TM7SF3: variants seen among roughly 807,000 people sequenced by gnomAD.
TM7SF3 encodes seven span transmembrane protein.
TM7SF3 carries 60 observed loss-of-function variants against 65.5 expected under a neutral mutation model. That is an observed-to-expected ratio of 0.92 (90% CI 0.74 to 1.14). The LOEUF is 1.14. Among genes scored for constraint, TM7SF3 ranks in the 50% most tolerant of loss-of-function variants. The pLI, the probability that TM7SF3 is intolerant of heterozygous loss-of-function variation, is 0.00. For missense variants in TM7SF3, 623 were observed against 684.8 expected (o/e 0.91, Z 1.01); for synonymous variants, 264 against 259.6 (o/e 1.02, Z -0.16).
rs1184499975 is a variant in TM7SF3 at position 26,990,566 on chromosome 12, C to T, written c.752G>A (p.Gly251Asp). Reference protein sequence around the residue: ...SVSFSSLPGQGVIYNVIVWDP... With the variant: ...SVSFSSLPGQDVIYNVIVWDP... ...CCAAACAATGACATTGTATATGACA[C>T]CTTGTCCCGGGAGGGAGGAGAAGGA... Residue 251 changes from glycine (G) to aspartate (D), a missense_variant, in exon 6 of 12, where the codon GGT (glycine) becomes GAT (aspartate). Gly to Asp is a moderately conservative substitution (Grantham distance 94, BLOSUM62 -1). Transcript: ENST00000343028. 4 of 1,613,902 alleles carry T rather than the reference C, an allele frequency of 2.5e-6. No homozygotes were observed. The East Asian group carries it at 6.7e-5, about 27-fold the overall frequency.
intron 1 of TM7SF3, 124 bp from the exon 2 acceptor site, chr12:27,003,514 G>T: frequency 1.1e-6 from 1 of 897,982 alleles, no homozygotes; most frequent in Non-Finnish European, 1.7e-6. Context: ...TATGGTTATT[G>T]CTCCTATTTC....
At chr12:26,987,048 C>T (rs902726013) in intron 6 of TM7SF3, among the ~76,000 whole-genome samples, 1 of 152,108 alleles carries the variant, frequency 6.6e-6, no homozygotes, top group African/African-American at 2.4e-5. Flanking sequence ...TCCTCAGACC[C>T]CTCCCTTTTC....
chr12:26,971,596 A>T lies in TM7SF3; in HGVS notation c.*2369T>A, dbSNP rs1007300954. The T allele has an allele frequency of 8.0e-6, 1 of 124,966 alleles. No individual in the cohort carries two copies. The highest frequency in any genetic ancestry group is 3.0e-5 in the African/African-American group (1 of 33,402). 7.7% of individuals were successfully genotyped at this position (124,966 alleles called of 1,614,324 possible). A position where few individuals can be genotyped will look rare whatever the true frequency, so the allele number is the denominator to read the frequency against. Reference sequence around the variant, plus strand: ...TTTTAGCATTTTTTTCAAAATAGGGATTTATTATAAAAACTATACAAACTT... The same window carrying T: ...TTTTAGCATTTTTTTCAAAATAGGGTTTTATTATAAAAACTATACAAACTT... On this transcript the variant is annotated 3_prime_UTR_variant, in exon 12 of 12. Transcript: ENST00000343028.
chr12:27,000,701 C>T (rs538263204), intron 2 of TM7SF3, among the ~76,000 whole-genome samples: 123 of 152,240 alleles, frequency 8.1e-4, no homozygotes, highest in African/African-American at 2.2e-3. Context: ...CCTCGTGATC[C>T]GCCAGCATCA....
At chr12:27,003,522 T>C in intron 1 of TM7SF3, 132 bp from the exon 2 acceptor site, 2 of 825,924 alleles carry the variant, frequency 2.4e-6, no homozygotes, top group Non-Finnish European at 3.7e-6. Context: ...TTGCTCCTAT[T>C]TCACTGCTAA....
At chr12:27,011,091 G>A (rs1002237767) in intron 1 of TM7SF3, among the ~76,000 whole-genome samples, 17 of 152,140 alleles carry the variant, frequency 1.1e-4, no homozygotes, top group Non-Finnish European at 8.8e-5. Context: ...GCAGTCAACC[G>A]CCCCTCCCAA....
chr12:26,992,998 C>G (rs1940441131), intron 5 of TM7SF3, among the ~76,000 whole-genome samples: 1 of 150,962 alleles, frequency 6.6e-6, no homozygotes, highest in Non-Finnish European at 1.5e-5. Context: ...CAACTTCTCC[C>G]AGGCTCAAGC....
chr12:27,005,876 C>A (rs1234399411), intron 1 of TM7SF3, among the ~76,000 whole-genome samples: 1 of 151,806 alleles, frequency 6.6e-6, no homozygotes, highest in Non-Finnish European at 1.5e-5. Context: ...TCTTAGCTCA[C>A]TGAAATTTCC....
At chr12:26,975,452 T>G in intron 11 of TM7SF3, 44 bp downstream of exon 11, 1 of 1,609,056 alleles carries the variant, frequency 6.2e-7, no homozygotes, top group Non-Finnish European at 8.5e-7. Flanking sequence ...GGGTCAAGAC[T>G]CCTACTGTGC....
At chr12:26,990,395 G>C in intron 6 of TM7SF3, 55 bp downstream of exon 6, 1 of 1,335,710 alleles carries the variant, frequency 7.5e-7, no homozygotes, top group South Asian at 1.3e-5. Context: ...CTAGACAAAA[G>C]CATTATCTGC....
chr12:27,013,752 C>T (rs920725218), intron 1 of TM7SF3, among the ~76,000 whole-genome samples: 1 of 152,168 alleles, frequency 6.6e-6, no homozygotes, highest in Non-Finnish European at 1.5e-5. Flanking sequence ...GTCCACTGGG[C>T]AGCAAAGAGG....
chr12:26,995,113 T>C, intron 5 of TM7SF3, 124 bp downstream of exon 5: 1 of 971,508 alleles, frequency 1.0e-6, no homozygotes, highest in Non-Finnish European at 1.5e-6. Flanking sequence ...CAAAAGAGAA[T>C]AAAGTGAGTG....
chr12:26,975,488 A>G lies in TM7SF3; in HGVS notation c.1450+8T>C. ...TGTCACACTGGTTTTTGGATTTAAGAGTCTTACCATTAGTTTGAAAAGGCA... is the reference window on the plus strand; with the variant it reads ...TGTCACACTGGTTTTTGGATTTAAGGGTCTTACCATTAGTTTGAAAAGGCA... On this transcript the variant is annotated splice_region_variant and intron_variant, in intron 11 of 11. Coordinates refer to ENST00000343028, the MANE Select transcript of TM7SF3 (RefSeq NM_016551.3). 1 of 1,613,958 alleles carries G rather than the reference A, an allele frequency of 6.2e-7. No homozygotes were observed. The highest frequency in any genetic ancestry group is 1.3e-5 in the African/African-American group (1 of 75,024).
chr12:26,990,267 A>G (rs1386240537), intron 6 of TM7SF3, among the ~76,000 whole-genome samples, 183 bp downstream of exon 6: 1 of 152,148 alleles, frequency 6.6e-6, no homozygotes, highest in African/African-American at 2.4e-5. Context: ...CTCCCTCACT[A>G]TAATATAAGC....
chr12:26,994,627 G>A (rs1379427641), intron 5 of TM7SF3, among the ~76,000 whole-genome samples: 7 of 152,212 alleles, frequency 4.6e-5, no homozygotes, highest in South Asian at 2.1e-4. Flanking sequence ...GATTACAGGC[G>A]TGAGCCACTG....
intron 2 of TM7SF3, among the ~76,000 whole-genome samples, chr12:27,001,922 A>T (rs1565464806): frequency 2.0e-5 from 3 of 152,188 alleles, no homozygotes; most frequent in South Asian, 2.1e-4. Context: ...AACTTGGGCA[A>T]ATTCGACGTA....
At chr12:26,991,272 C>T (rs888110524) in intron 5 of TM7SF3, among the ~76,000 whole-genome samples, 6 of 151,216 alleles carry the variant, frequency 4.0e-5, no homozygotes, top group Non-Finnish European at 1.5e-5. Flanking sequence ...CCTGCCTCAG[C>T]CTCCCCAGTA....
intron 1 of TM7SF3, among the ~76,000 whole-genome samples, chr12:27,005,496 C>G (rs533439131): frequency 6.6e-6 from 1 of 152,300 alleles, no homozygotes; most frequent in South Asian, 2.1e-4. Flanking sequence ...TAATAATCCT[C>G]ATGTCTATCT....
intron 9 of TM7SF3, chr12:26,978,021 T>TA: frequency 2.3e-6 from 1 of 432,964 alleles, no homozygotes; most frequent in Non-Finnish European, 4.6e-6. Context: ...GCTTGAGCCT[T>TA]AGAGTTTGAG....
Sources: gnomAD v4.1 joint callset for allele counts (sites outside exome capture counted in the v4.1 genomes callset) on GRCh38, gnomAD v4.1.1 for gene constraint, MANE v1.5 for transcripts, NCBI Gene and HGNC (gene_info 2026-07-23, HGNC 2026-07-21) for gene names.